The following DMD variants were observed in gnomAD, a reference collection of about 807,000 sequenced individuals.
DMD encodes the protein dystrophin, also known as mutant dystrophin.
Under a neutral mutation model 330.1 loss-of-function variants are expected in DMD, and 63 were observed. The ratio of observed to expected loss-of-function variants is 0.19; its 90% CI spans 0.16 to 0.24. The LOEUF (loss-of-function observed/expected upper bound fraction) is 0.24, where lower values mean the gene tolerates loss of function less well. Among genes scored for constraint, DMD ranks in the 10% least tolerant of loss-of-function variants. The pLI is 1.00. For missense variants in DMD, 3,344 were observed against 2,684.1 expected, an observed-to-expected ratio of 1.25 and a Z score of -5.43; for synonymous variants, 1,223 against 959.8, an observed-to-expected ratio of 1.27 and a Z score of -5.07.
At chrX:33,150,752 T>C (rs1470274414) in intron 1 of DMD, among the ~76,000 whole-genome samples, 1 of 109,529 alleles carries the variant, frequency 9.1e-6, no homozygotes, top group Non-Finnish European at 1.9e-5. Context: ...AACACATTAT[T>C]TCATGCTCTT....
chrX:33,164,703 A>G (rs2048966328), intron 1 of DMD, among the ~76,000 whole-genome samples: 1 of 111,422 alleles, frequency 9.0e-6, no homozygotes, highest in Non-Finnish European at 1.9e-5. Flanking sequence ...CCTGAAATGC[A>G]GACTTTCATA....
chrX:31,970,680 G>A (rs1437308499), intron 44 of DMD, among the ~76,000 whole-genome samples: 2 of 111,005 alleles, frequency 1.8e-5, no homozygotes, highest in Admixed American at 1.9e-4. Context: ...ATAAAACTGG[G>A]CTCTATGCCA....
At chrX:33,018,477 T>A (rs1004524701) in intron 2 of DMD, among the ~76,000 whole-genome samples, 2 of 111,962 alleles carry the variant, frequency 1.8e-5, no homozygotes, top group African/African-American at 6.5e-5. Flanking sequence ...TATCAAGCTT[T>A]GATTTCTATA....
intron 11 of DMD, among the ~76,000 whole-genome samples, chrX:32,633,036 C>A (rs1361056745): frequency 8.9e-6 from 1 of 112,008 alleles, no homozygotes; most frequent in African/African-American, 3.2e-5. Context: ...TTTTGAAAAC[C>A]TTTATGGTCT....
rs773387358 is a variant in DMD, at chrX:31,178,731, C to T, written c.10161G>A (p.Ala3387=). The T allele has an allele frequency of 9.9e-6, 12 of 1,209,468 alleles. No individual in the cohort carries two copies. The highest frequency in any genetic ancestry group is 8.7e-5 in the Admixed American group (4 of 45,769). Residue 3387 remains alanine (A), a synonymous_variant, in exon 70 of 79, where the codon GCG becomes GCA. Coordinates refer to ENST00000357033, the MANE Select transcript of DMD (RefSeq NM_004006.3). The part of the protein sequence containing the change: ...KNKFRTKRYF[A]KHPRMGYLPV... ...GCAGGTAGCCCATTCGGGGATGCTT[C>T]GCAAAATACCTTTTGGTTCGAAATT...
intron 17 of DMD, among the ~76,000 whole-genome samples, chrX:32,540,794 G>A (rs1455106294): frequency 8.9e-6 from 1 of 111,844 alleles, no homozygotes; most frequent in Non-Finnish European, 1.9e-5. Context: ...ACTGGCTGAA[G>A]TGGAATAATG....
At chrX:32,733,140 C>T (rs2067949000) in intron 7 of DMD, among the ~76,000 whole-genome samples, 2 of 108,714 alleles carry the variant, frequency 1.8e-5, no homozygotes, top group Admixed American at 9.7e-5. Flanking sequence ...AGACTTTAAA[C>T]CAACAAAGAT....
chrX:33,231,468 C>T (rs929101871), intron 1 of DMD, among the ~76,000 whole-genome samples: 1 of 112,009 alleles, frequency 8.9e-6, no homozygotes, highest in Non-Finnish European at 1.9e-5. Context: ...CATTTACTTT[C>T]ATCTTATACT....
intron 41 of DMD, among the ~76,000 whole-genome samples, chrX:32,337,143 C>A (rs1388231432): frequency 1.8e-5 from 2 of 110,831 alleles, no homozygotes; most frequent in African/African-American, 6.6e-5. Context: ...ATAACAGATA[C>A]GGAGGAGTGA....
chrX:31,676,897 G>T (rs1021220688), intron 53 of DMD, among the ~76,000 whole-genome samples: 3 of 111,761 alleles, frequency 2.7e-5, no homozygotes, highest in African/African-American at 6.5e-5. Flanking sequence ...TCAAGAAATG[G>T]ATGAAAAAAT....
chrX:32,834,782 T>C (rs1211682333), intron 4 of DMD, among the ~76,000 whole-genome samples: 2 of 112,024 alleles, frequency 1.8e-5, no homozygotes, highest in Non-Finnish European at 3.8e-5. Context: ...CTGTGTCAGT[T>C]AATATTAAAT....
chrX:32,565,347 G>C (rs2051566828), intron 16 of DMD, among the ~76,000 whole-genome samples: 1 of 111,800 alleles, frequency 8.9e-6, no homozygotes, highest in Non-Finnish European at 1.9e-5. Context: ...TTTCTCAAGA[G>C]TAAAACGGAG....
rs1435307594 is a variant in DMD at position 31,330,622 on chromosome X, C to T, written c.9164-6964G>A. 3.6e-5 allele frequency among the ~76,000 whole-genome samples: 4 copies of T among 112,193 alleles called. No homozygotes were observed. The Admixed American group carries it at 3.8e-4, about 11-fold the overall frequency. On this transcript the variant is annotated intron_variant, in intron 61 of 78. Coordinates refer to ENST00000357033, the MANE Select transcript of DMD (RefSeq NM_004006.3). ...GCTCTGTAACCCAGCCTATTCAGTT[C>T]ACTTCATTACTGAATTTGCTTAGGG...
At chrX:31,638,756 T>C (rs2079559472) in intron 54 of DMD, among the ~76,000 whole-genome samples, 2 of 112,588 alleles carry the variant, frequency 1.8e-5, no homozygotes, top group African/African-American at 3.2e-5. Context: ...AATAAATGGG[T>C]TCATATTTCT....
chrX:32,364,904 G>C, intron 35 of DMD, 116 bp downstream of exon 35: 3 of 829,699 alleles, frequency 3.6e-6, no homozygotes, highest in Non-Finnish European at 5.3e-6. Flanking sequence ...ATTGAATTAA[G>C]AGCCAGCATA....
chrX:32,330,148 G>T (rs1245204889), intron 41 of DMD, among the ~76,000 whole-genome samples: 1 of 112,021 alleles, frequency 8.9e-6, no homozygotes, highest in Non-Finnish European at 1.9e-5. Context: ...AAAAATGATA[G>T]AATGTTTTTA....
intron 17 of DMD, among the ~76,000 whole-genome samples, chrX:32,544,140 T>C (rs1467217471): frequency 8.9e-6 from 1 of 112,079 alleles, no homozygotes; most frequent in Non-Finnish European, 1.9e-5. Flanking sequence ...ACTAGTGGAT[T>C]TGCTTAGCCA....
intron 5 of DMD, among the ~76,000 whole-genome samples, chrX:32,822,786 G>A (rs1019965328): frequency 3.6e-5 from 4 of 110,312 alleles, no homozygotes; most frequent in African/African-American, 9.9e-5. Context: ...ATAGACAGTC[G>A]GAAGACCCTA....
chrX:33,008,909 C>T (rs1435566875), intron 2 of DMD, among the ~76,000 whole-genome samples: 1 of 78,008 alleles, frequency 1.3e-5, no homozygotes, highest in African/African-American at 4.2e-5. Context: ...TACACATACT[C>T]ATATATGTAT....
Sources: gnomAD v4.1 joint callset for allele counts (sites outside exome capture counted in the v4.1 genomes callset) on GRCh38, gnomAD v4.1.1 for gene constraint, MANE v1.5 for transcripts, NCBI Gene and HGNC (gene_info 2026-07-23, HGNC 2026-07-21) for gene names.